Variants in PPP1R13B observed in about 807,000 individuals in gnomAD.
PPP1R13B encodes the protein protein phosphatase 1 regulatory subunit 13B.
A neutral mutation model predicts 119.8 loss-of-function variants in PPP1R13B; 44 were observed. The observed-to-expected ratio is 0.37, with a 90% confidence interval of 0.29 to 0.47. The LOEUF (loss-of-function observed/expected upper bound fraction) is 0.47. PPP1R13B is among the 20% of genes least tolerant of loss of function. The pLI is 0.99. For missense variants in PPP1R13B, 1,227 were observed against 1,413.5 expected (o/e 0.87, Z 2.12); for synonymous variants, 542 against 561.5 (o/e 0.97, Z 0.49).
chr14:103,787,458 A>G (rs1158905774), intron 2 of PPP1R13B, among the ~76,000 whole-genome samples: 1 of 151,506 alleles, frequency 6.6e-6, no homozygotes, highest in Non-Finnish European at 1.5e-5. Context: ...CTCTGTCTCA[A>G]AAAAGAAAGT....
chr14:103,738,949 CA>C lies in PPP1R13B; in HGVS notation c.2666del (p.Leu889ArgfsTer5). ...GHGLRVRFNP[L>X]ALLLDASLEG... Reference sequence around the variant, plus strand: ...CCAGAGACGCGTCTAGGAGCAGTGCCAGGGGGTTAAACCGGACTCTCAGCCC... The same window carrying C: ...CCAGAGACGCGTCTAGGAGCAGTGCCGGGGGTTAAACCGGACTCTCAGCCC... On this transcript the variant is annotated frameshift_variant, in exon 13 of 17. Transcript: ENST00000202556. LOFTEE classifies it high-confidence loss of function. The surrounding 1 kb of genome is among the most constrained non-coding windows in gnomAD (Gnocchi z 5.6). 2 of 1,614,102 alleles carry C rather than the reference CA, an allele frequency of 1.2e-6. No homozygotes were observed. The highest frequency in any genetic ancestry group is 1.7e-6 in the Non-Finnish European group (2 of 1,180,020).
intron 1 of PPP1R13B, among the ~76,000 whole-genome samples, chr14:103,822,612 G>A (rs2086437126): frequency 6.6e-6 from 1 of 151,950 alleles, no homozygotes; most frequent in African/African-American, 2.4e-5. Context: ...AGGAGTTCAA[G>A]ACCAGCCTGG....
chr14:103,840,271 T>C (rs2086871931), intron 1 of PPP1R13B, among the ~76,000 whole-genome samples: 1 of 152,212 alleles, frequency 6.6e-6, no homozygotes, highest in Non-Finnish European at 1.5e-5. Flanking sequence ...GCTGAGAAAG[T>C]ATTCTCCATC....
intron 4 of PPP1R13B, chr14:103,763,876 C>T (rs1233850387): frequency 6.6e-6 from 1 of 152,206 alleles, no homozygotes; most frequent in Admixed American, 6.5e-5. Flanking sequence ...CTTCCGGACG[C>T]TTCATATAAG....
intron 1 of PPP1R13B, among the ~76,000 whole-genome samples, chr14:103,812,415 C>T (rs966744477): frequency 1.1e-4 from 16 of 151,364 alleles, no homozygotes. Context: ...TGAGCCACCG[C>T]GTGTGGCTGT....
At chr14:103,782,967 G>A (rs1357318944) in intron 3 of PPP1R13B, among the ~76,000 whole-genome samples, 1 of 151,952 alleles carries the variant, frequency 6.6e-6, no homozygotes, top group Non-Finnish European at 1.5e-5. Context: ...ACCAAGCCTG[G>A]CTAATTTTTG....
At chr14:103,774,797 G>T (rs1410160414) in intron 4 of PPP1R13B, among the ~76,000 whole-genome samples, 1 of 152,104 alleles carries the variant, frequency 6.6e-6, no homozygotes, top group Non-Finnish European at 1.5e-5. Context: ...TAAAATGCAC[G>T]TAAAACCGCT....
At chr14:103,818,676 C>G (rs1430772728) in intron 1 of PPP1R13B, among the ~76,000 whole-genome samples, 1 of 152,108 alleles carries the variant, frequency 6.6e-6, no homozygotes, top group Admixed American at 6.6e-5. Flanking sequence ...CATGGCCCAT[C>G]CCTCTTGCCA....
Position 103,742,702 on chromosome 14 carries a change from G to C in PPP1R13B, c.1272C>G (p.Val424=). ...SVEGSVKQGT[V]SSQPVPFSAL... ...CTGAGAAGGGCACAGGCTGGCTGGAGACAGTGCCCTGCTTGACAGACCCCT... is the reference window on the plus strand; with the variant it reads ...CTGAGAAGGGCACAGGCTGGCTGGACACAGTGCCCTGCTTGACAGACCCCT... Residue 424 remains valine, a synonymous_variant, in exon 10 of 17, where the codon GTC becomes GTG. Coordinates refer to ENST00000202556, the MANE Select transcript of PPP1R13B (RefSeq NM_015316.3). The surrounding 1 kb of genome is among the most constrained non-coding windows in gnomAD (Gnocchi z 4.9). 1.2e-6 allele frequency: 2 copies of C among 1,614,010 alleles called. No individual in the cohort carries two copies. The highest frequency in any genetic ancestry group is 1.7e-6 in the Non-Finnish European group (2 of 1,180,026).
intron 2 of PPP1R13B, among the ~76,000 whole-genome samples, chr14:103,792,507 C>T (rs936860055): frequency 2.6e-5 from 4 of 152,000 alleles, no homozygotes; most frequent in South Asian, 2.1e-4. Flanking sequence ...AAGAAAGCTT[C>T]GCTATATTTT....
intron 1 of PPP1R13B, among the ~76,000 whole-genome samples, chr14:103,820,010 C>T (rs554636627): frequency 6.6e-6 from 1 of 152,288 alleles, no homozygotes; most frequent in African/African-American, 2.4e-5. Flanking sequence ...TGCACTTATT[C>T]CATTAAAGCA....
At chr14:103,781,001 C>T (rs533612812) in intron 3 of PPP1R13B, among the ~76,000 whole-genome samples, 1 of 151,808 alleles carries the variant, frequency 6.6e-6, no homozygotes, top group Non-Finnish European at 1.5e-5. Flanking sequence ...TGAGTCGGGG[C>T]ATGAAAGAGA....
intron 1 of PPP1R13B, among the ~76,000 whole-genome samples, chr14:103,844,139 T>G (rs2086972037): frequency 6.6e-6 from 1 of 151,816 alleles, no homozygotes. Context: ...CCGTGGCGTG[T>G]GTCTGTGGTC....
chr14:103,806,960 A>G (rs1469282705), intron 1 of PPP1R13B, among the ~76,000 whole-genome samples: 1 of 152,170 alleles, frequency 6.6e-6, no homozygotes, highest in Non-Finnish European at 1.5e-5. Context: ...ACATCACTTC[A>G]TTCAAAACCT....
intron 1 of PPP1R13B, among the ~76,000 whole-genome samples, chr14:103,835,537 C>G (rs2086755802): frequency 6.6e-6 from 1 of 151,840 alleles, no homozygotes; most frequent in South Asian, 2.1e-4. Context: ...TCAAGCGATC[C>G]TAGTGCCTTA....
At chr14:103,785,442 TC>T (rs2085438363) in intron 2 of PPP1R13B, among the ~76,000 whole-genome samples, 1 of 151,832 alleles carries the variant, frequency 6.6e-6, no homozygotes, top group African/African-American at 2.4e-5. Context: ...GGTCTCAAAC[TC>T]CTGACCCCAG....
chr14:103,797,560 CACAA>C (rs753030395), intron 1 of PPP1R13B, 42 bp from the exon 2 acceptor site: 3 of 1,544,006 alleles, frequency 1.9e-6, no homozygotes, highest in East Asian at 4.6e-5. Context: ...GATTCCTTAT[CACAA>C]ACAGATTAAT....
chr14:103,831,970 G>A (rs868274711), intron 1 of PPP1R13B, among the ~76,000 whole-genome samples: 20 of 151,950 alleles, frequency 1.3e-4, no homozygotes, highest in African/African-American at 4.6e-4. Context: ...GCCAGGGATG[G>A]TGGTGTGCAC....
Position 103,735,023 on chromosome 14 carries a change from G to C in PPP1R13B, c.*131C>G. On this transcript the variant is annotated 3_prime_UTR_variant, in exon 17 of 17. Coordinates refer to ENST00000202556, the MANE Select transcript of PPP1R13B (RefSeq NM_015316.3). Reference sequence around the variant, plus strand: ...ACCTGGAAACTGTAGGATTCACATTGTGGACGCTGTCTGCTAAAGTGAGCA... The same window carrying C: ...ACCTGGAAACTGTAGGATTCACATTCTGGACGCTGTCTGCTAAAGTGAGCA... 1 of 999,522 alleles carries C rather than the reference G, an allele frequency of 1.0e-6. No individual in the cohort carries two copies. Among genetic ancestry groups the C allele is most frequent in the Non-Finnish European group, 1.6e-6 (1 of 640,374 alleles). 61.9% of individuals were successfully genotyped at this position (999,522 alleles called of 1,614,324 possible).
Sources: allele counts gnomAD v4.1 joint callset (sites outside exome capture counted in the v4.1 genomes callset), GRCh38; gene constraint gnomAD v4.1.1; non-coding constraint Gnocchi (gnomAD v3.1); transcripts MANE v1.5; gene names NCBI Gene and HGNC (gene_info 2026-07-23, HGNC 2026-07-21).